The following ZFPM2 variants were observed in gnomAD, a reference collection of about 807,000 sequenced individuals.
The protein encoded by ZFPM2 is zinc finger protein, FOG family member 2.
In ZFPM2, 20 loss-of-function variants were observed where a neutral mutation model predicts 98.6. The ratio of observed to expected loss-of-function variants is 0.20; its 90% CI spans 0.14 to 0.29. The LOEUF (loss-of-function observed/expected upper bound fraction) is 0.29. Among genes scored for constraint, ZFPM2 ranks in the 10% least tolerant of loss-of-function variants. The pLI is 1.00. For synonymous variants in ZFPM2, 518 were observed against 502.7 expected (o/e 1.03, Z -0.41); for missense variants, 1,310 against 1,388.6 (o/e 0.94, Z 0.90).
chr8:105,427,600 G>T (rs1270641164), intron 2 of ZFPM2, among the ~76,000 whole-genome samples: 1 of 152,104 alleles, frequency 6.6e-6, no homozygotes, highest in South Asian at 2.1e-4. Flanking sequence ...TAAAGTGTTT[G>T]CCCACCCATT....
intron 3 of ZFPM2, among the ~76,000 whole-genome samples, chr8:105,489,466 A>ATTTTT (rs369037656): frequency 3.7e-4 from 44 of 119,772 alleles, no homozygotes; most frequent in African/African-American, 1.6e-3. Context: ...ATATATATAT[A>ATTTTT]TTTTTTTTTT....
chr8:105,395,561 G>A (rs1288032923), intron 1 of ZFPM2, among the ~76,000 whole-genome samples: 3 of 152,100 alleles, frequency 2.0e-5, no homozygotes, highest in Non-Finnish European at 2.9e-5. Context: ...GGTGTGTGAT[G>A]TTTTATTTCA....
At chr8:105,663,239 G>A (rs1361904966) in intron 5 of ZFPM2, among the ~76,000 whole-genome samples, 1 of 152,126 alleles carries the variant, frequency 6.6e-6, no homozygotes, top group Non-Finnish European at 1.5e-5. Flanking sequence ...GTCGTGGGGG[G>A]CAAGGGAGGA....
At chr8:105,385,158 C>A (rs1455699448) in intron 1 of ZFPM2, among the ~76,000 whole-genome samples, 2 of 152,242 alleles carry the variant, frequency 1.3e-5, no homozygotes, top group Non-Finnish European at 2.9e-5. Context: ...ACCTCTGGCA[C>A]AACTGAGCCT....
At chr8:105,679,491 C>T (rs993224565) in intron 5 of ZFPM2, among the ~76,000 whole-genome samples, 8 of 152,084 alleles carry the variant, frequency 5.3e-5, no homozygotes, top group Admixed American at 1.3e-4. Context: ...AGCTTGAAGA[C>T]GAGCTTTCAA....
chr8:105,614,813 T>C lies in ZFPM2; in HGVS notation c.421-19433T>C, dbSNP rs965320595. ...ATTTGGTTTTATTGTATATGTTTAG[T>C]CTATTCACAGCAATTAAATGAGAGG... On this transcript the variant is annotated intron_variant, in intron 4 of 7. Coordinates refer to ENST00000407775, the MANE Select transcript of ZFPM2 (RefSeq NM_012082.4). 5.3e-5 allele frequency among the ~76,000 whole-genome samples: 8 copies of C among 152,144 alleles called. No individual in the cohort carries two copies. In the East Asian group the frequency reaches 9.6e-4, roughly 18 times the overall value.
intron 5 of ZFPM2, among the ~76,000 whole-genome samples, chr8:105,655,292 G>A (rs1048136627): frequency 6.7e-6 from 1 of 149,490 alleles, no homozygotes; most frequent in African/African-American, 2.5e-5. Context: ...AGTGCAATGG[G>A]GTGGTCTTGG....
intron 3 of ZFPM2, among the ~76,000 whole-genome samples, chr8:105,477,237 CTTTTTTTTTTT>C (rs397891589): frequency 5.4e-5 from 4 of 74,492 alleles, no homozygotes; most frequent in African/African-American, 1.1e-4. Context: ...TGCTAGCAAT[CTTTTTTTTTTT>C]TTTTTTTTTT....
intron 3 of ZFPM2, among the ~76,000 whole-genome samples, chr8:105,535,544 T>C (rs907718544): frequency 1.3e-4 from 20 of 152,200 alleles, no homozygotes; most frequent in African/African-American, 4.6e-4. Context: ...CTCTGTGTTA[T>C]GGTCTACAGT....
In ZFPM2 at chr8:105,802,563, C is replaced by T. The variant is rs1286201473; in HGVS notation, c.2481C>T (p.Asp827=). The T allele has an allele frequency of 2.5e-6, 4 of 1,611,254 alleles. No individual in the cohort carries two copies. The Admixed American group carries it at 5.0e-5, about 20-fold the overall frequency. The change falls in exon 8 of 8, where the codon GAC becomes GAT. Residue 827 remains aspartate, a synonymous_variant. Transcript: ENST00000407775. ...THSSVSCLEM[D]VPIDLSKKCL... is the part of the protein sequence containing the mutation. ...CCAGTGTTTCCTGCCTAGAGATGGA[C>T]GTGCCCATAGATCTCAGCAAAAAGT... is the stretch of plus-strand genomic sequence containing the variant.
chr8:105,332,729 A>C (rs886877992), intron 1 of ZFPM2, among the ~76,000 whole-genome samples: 1 of 151,688 alleles, frequency 6.6e-6, no homozygotes, highest in African/African-American at 2.4e-5. Context: ...TTAAGCCTCT[A>C]GGATGAGGTC....
chr8:105,474,335 A>G (rs1461620304), intron 3 of ZFPM2, among the ~76,000 whole-genome samples: 1 of 152,174 alleles, frequency 6.6e-6, no homozygotes, highest in Non-Finnish European at 1.5e-5. Context: ...ACTATCTACA[A>G]TTTTCAATCC....
intron 3 of ZFPM2, among the ~76,000 whole-genome samples, chr8:105,468,087 T>C (rs35893068): frequency 0.17 from 25,874 of 151,844 alleles, 2,827 homozygotes; most frequent in African/African-American, 0.32. Context: ...ATAGCTCCCA[T>C]TTTATCATCT....
At chr8:105,362,083 A>C (rs1034372180) in intron 1 of ZFPM2, among the ~76,000 whole-genome samples, 7 of 152,074 alleles carry the variant, frequency 4.6e-5, no homozygotes, top group Admixed American at 1.3e-4. Context: ...GTATGTGTGC[A>C]TACTATTTTT....
rs540270335 is a variant in ZFPM2 at position 105,394,444 on chromosome 8, CT to C, written c.41-24698del. Among the ~76,000 whole-genome samples the C allele has an allele frequency of 1.3e-3, 195 of 152,220 alleles. 2 individuals are homozygous for C. Among genetic ancestry groups the C allele is most frequent in the African/African-American group, 4.4e-3 (184 of 41,544 alleles). On this transcript the variant is annotated intron_variant, in intron 1 of 7. Coordinates refer to ENST00000407775, the MANE Select transcript of ZFPM2 (RefSeq NM_012082.4). ...CTCAGTTTCAAAAAACAGTTACTAT[CT>C]TAATAGTACCTGGAAATTGAGAGTG... is the stretch of plus-strand genomic sequence containing the variant.
At chr8:105,506,831 A>T in intron 3 of ZFPM2, among the ~76,000 whole-genome samples, 1 of 151,982 alleles carries the variant, frequency 6.6e-6, no homozygotes, top group Non-Finnish European at 1.5e-5. Flanking sequence ...ACTAAAAAAT[A>T]CAAAAAATTA....
At chr8:105,554,593 G>A (rs1814941797) in intron 3 of ZFPM2, among the ~76,000 whole-genome samples, 1 of 152,140 alleles carries the variant, frequency 6.6e-6, no homozygotes, top group Non-Finnish European at 1.5e-5. Flanking sequence ...AATATTGTGA[G>A]CTAATTCATG....
intron 3 of ZFPM2, among the ~76,000 whole-genome samples, chr8:105,475,462 T>C (rs535501998): frequency 6.6e-6 from 1 of 152,336 alleles, no homozygotes; most frequent in African/African-American, 2.4e-5. Context: ...CCTTTGATTG[T>C]TGGCAGAGAT....
chr8:105,749,316 TAGATTTAAAA>T (rs1203041287), intron 5 of ZFPM2, among the ~76,000 whole-genome samples: 8 of 152,018 alleles, frequency 5.3e-5, no homozygotes, highest in Non-Finnish European at 1.2e-4. Flanking sequence ...AAGAAAATGA[TAGATTTAAAA>T]AAAGACTCCC....
Sources: gnomAD v4.1 joint callset for allele counts (sites outside exome capture counted in the v4.1 genomes callset) on GRCh38, gnomAD v4.1.1 for gene constraint, MANE v1.5 for transcripts, NCBI Gene and HGNC (gene_info 2026-07-23, HGNC 2026-07-21) for gene names.